The following PCLO variants were observed in gnomAD, a reference collection of about 807,000 sequenced individuals.
The protein encoded by PCLO is protein piccolo.
Under a neutral mutation model 427.5 loss-of-function variants are expected in PCLO, and 82 were observed. That is an observed-to-expected ratio of 0.19 (90% CI 0.16 to 0.23). PCLO has a LOEUF of 0.23. Among genes scored for constraint, PCLO ranks in the 10% least tolerant of loss-of-function variants. The pLI, the probability that PCLO is intolerant of heterozygous loss-of-function variation, is 1.00. For missense variants in PCLO, 6,239 were observed against 6,115.9 expected, an observed-to-expected ratio of 1.02 and a Z score of -0.67; for synonymous variants, 2,357 against 2,155.4, an observed-to-expected ratio of 1.09 and a Z score of -2.59.
intron 3 of PCLO, among the ~76,000 whole-genome samples, chr7:83,093,553 C>T (rs1160731682): frequency 5.8e-5 from 8 of 137,084 alleles, no homozygotes; most frequent in Admixed American, 7.8e-5. Flanking sequence ...AGTGCAGTGG[C>T]GTGATCTCCG....
rs1444173167 is a variant in PCLO at position 82,916,423 on chromosome 7, G to C, written c.11563C>G (p.Arg3855Gly). 1 of 1,613,618 alleles carries C rather than the reference G, an allele frequency of 6.2e-7. No homozygotes were observed. The highest frequency in any genetic ancestry group is 8.5e-7 in the Non-Finnish European group (1 of 1,179,720). ...TCAGTTTGGGGAGCAGTTCTTGGTC[G>C]CTCAATGCCATGCTGACTTTCTATT... is the stretch of plus-strand genomic sequence containing the variant. ...TRIESQHGIE[R>G]PRTAPQTEFS... is the part of the protein sequence containing the mutation. The change falls in exon 7 of 25, where the codon CGA (arginine) becomes GGA (glycine). Residue 3855 changes from arginine (R) to glycine (G), a missense_variant. By Grantham distance (125) the Arg-to-Gly change is moderately radical. Transcript: ENST00000333891.
intron 4 of PCLO, among the ~76,000 whole-genome samples, chr7:82,958,969 T>C (rs549455043): frequency 3.3e-5 from 5 of 152,286 alleles, no homozygotes; most frequent in African/African-American, 1.2e-4. Flanking sequence ...AACACCATCA[T>C]GATGGGGGTG....
intron 3 of PCLO, among the ~76,000 whole-genome samples, chr7:82,993,718 G>A (rs1796432565): frequency 6.6e-6 from 1 of 151,998 alleles, no homozygotes; most frequent in African/African-American, 2.4e-5. Context: ...GTGACTCACT[G>A]TTTTGCAATA....
intron 3 of PCLO, among the ~76,000 whole-genome samples, chr7:83,120,587 A>G (rs2116559291): frequency 6.6e-6 from 1 of 152,196 alleles, no homozygotes; most frequent in African/African-American, 2.4e-5. Flanking sequence ...AGATCCAAAA[A>G]ACAGCAAGAA....
rs115594192 is a variant in PCLO, at chr7:82,953,783, A to T, written c.7170T>A (p.Pro2390=). The T allele has an allele frequency of 3.0e-3, 4,760 of 1,586,414 alleles. 118 individuals are homozygous for T. In the African/African-American group the frequency reaches 0.055, roughly 18 times the overall value. ...SPSVSSLPAK[P]RPFFRSSSLD... ...AAGAAGAACTTCTAAAGAATGGGCGAGGTTTAGCTGGAAGAGAGGAAACAG... is the reference window on the plus strand; with the variant it reads ...AAGAAGAACTTCTAAAGAATGGGCGTGGTTTAGCTGGAAGAGAGGAAACAG... Residue 2390 remains proline, a synonymous_variant, in exon 5 of 25, where the codon CCT becomes CCA. Transcript: ENST00000333891.
intron 20 of PCLO, among the ~76,000 whole-genome samples, chr7:82,813,473 G>A (rs1435151034): frequency 2.0e-5 from 3 of 151,694 alleles, no homozygotes; most frequent in African/African-American, 7.2e-5. Flanking sequence ...ACATGATGAT[G>A]TTTGGTTGCA....
intron 10 of PCLO, among the ~76,000 whole-genome samples, chr7:82,848,128 A>C (rs1414531789): frequency 1.3e-5 from 2 of 151,888 alleles, no homozygotes; most frequent in East Asian, 1.9e-4. Context: ...ATGACCTGTC[A>C]AAATCATTGA....
Position 82,949,573 on chromosome 7 carries a change from G to T in PCLO, c.11015C>A (p.Ala3672Asp). The T allele has an allele frequency of 1.2e-6, 2 of 1,613,838 alleles. No individual in the cohort carries two copies. Among genetic ancestry groups the T allele is most frequent in the Non-Finnish European group, 8.5e-7 (1 of 1,179,832 alleles). Residue 3672 changes from alanine (A) to aspartate (D), a missense_variant, in exon 6 of 25, where the codon GCC (alanine) becomes GAC (aspartate). Physicochemically the swap from Ala to Asp is moderately radical, Grantham distance 126 (BLOSUM62 -2). This residue lies in a region of PCLO where 4,677 missense variants were observed against 4,468.4 expected (regional missense o/e 1.05). Transcript: ENST00000333891. The stretch of plus-strand genomic sequence containing the variant: ...AGACATAGAACGCTGCATCATCTTG[G>T]CTGTCTTAGGACTTGCTGGGGGAAC... ...AKVPPASPKT[A>D]KMMQRSMSDP...
At chr7:82,858,937 A>AT (rs1326309481) in intron 10 of PCLO, among the ~76,000 whole-genome samples, 1 of 152,194 alleles carries the variant, frequency 6.6e-6, no homozygotes, top group East Asian at 1.9e-4. Flanking sequence ...TTTCAATGTA[A>AT]TTTTTCATAG....
chr7:82,899,116 T>C (rs1793978793), intron 9 of PCLO, among the ~76,000 whole-genome samples: 1 of 151,610 alleles, frequency 6.6e-6, no homozygotes, highest in South Asian at 2.1e-4. Context: ...TACTTGTATA[T>C]ATACTTCAAA....
At chr7:82,901,117 C>T (rs1030867213) in intron 9 of PCLO, among the ~76,000 whole-genome samples, 1 of 151,770 alleles carries the variant, frequency 6.6e-6, no homozygotes, top group East Asian at 1.9e-4. Flanking sequence ...ATTGTAATAC[C>T]ATGTGCATTA....
At chr7:82,868,380 C>A (rs1368035187) in intron 10 of PCLO, among the ~76,000 whole-genome samples, 1 of 152,152 alleles carries the variant, frequency 6.6e-6, no homozygotes, top group African/African-American at 2.4e-5. Context: ...AAAACCACCA[C>A]TCCAAAAACA....
At chr7:82,929,130 A>G (rs1358445081) in intron 6 of PCLO, among the ~76,000 whole-genome samples, 1 of 152,058 alleles carries the variant, frequency 6.6e-6, no homozygotes, top group African/African-American at 2.4e-5. Context: ...TATAAGAGAG[A>G]AGGAAAAGCT....
intron 3 of PCLO, among the ~76,000 whole-genome samples, chr7:83,025,232 G>T (rs1436985349): frequency 2.0e-5 from 3 of 152,028 alleles, no homozygotes. Flanking sequence ...TGTAGAATTA[G>T]AATAACCAAT....
chr7:82,984,014 A>G (rs969731324), intron 3 of PCLO, among the ~76,000 whole-genome samples: 19 of 151,990 alleles, frequency 1.3e-4, no homozygotes, highest in African/African-American at 4.3e-4. Context: ...ACTTAACTAT[A>G]TTAAAAAAAT....
At chr7:82,823,610 A>G (rs542928503) in intron 19 of PCLO, among the ~76,000 whole-genome samples, 1 of 152,274 alleles carries the variant, frequency 6.6e-6, no homozygotes, top group South Asian at 2.1e-4. Flanking sequence ...AGAGTGCTGT[A>G]CATATTTGCA....
At chr7:83,112,377 G>A (rs1250536540) in intron 3 of PCLO, among the ~76,000 whole-genome samples, 2 of 151,946 alleles carry the variant, frequency 1.3e-5, no homozygotes, top group East Asian at 1.9e-4. Context: ...TTTTAAGAAC[G>A]GGAATAAACT....
At chr7:82,860,537 T>G (rs1792926499) in intron 10 of PCLO, among the ~76,000 whole-genome samples, 1 of 152,090 alleles carries the variant, frequency 6.6e-6, no homozygotes, top group Non-Finnish European at 1.5e-5. Flanking sequence ...ATACCAGAGC[T>G]GTCCTACAAG....
intron 3 of PCLO, among the ~76,000 whole-genome samples, chr7:83,081,421 T>C (rs1372387806): frequency 6.6e-6 from 1 of 151,866 alleles, no homozygotes; most frequent in Non-Finnish European, 1.5e-5. Context: ...TCCAAATACC[T>C]TCAGCATCAT....
Sources: gnomAD v4.1 joint callset for allele counts (sites outside exome capture counted in the v4.1 genomes callset) on GRCh38, gnomAD v4.1.1 for gene constraint, gnomAD v4.1.1 regional missense constraint, MANE v1.5 for transcripts, NCBI Gene and HGNC (gene_info 2026-07-23, HGNC 2026-07-21) for gene names.